NPFFR2: variants seen among roughly 807,000 people sequenced by gnomAD.
NPFFR2 encodes the protein neuropeptide FF receptor 2.
A neutral mutation model predicts 13.1 loss-of-function variants in NPFFR2; 15 were observed. That is an observed-to-expected ratio of 1.15 (90% CI 0.77 to 1.76). NPFFR2 has a LOEUF of 1.76. NPFFR2 is among the 40% of genes most tolerant of loss of function. The probability of loss-of-function intolerance (pLI) is 0.00; values close to 1 mark genes in which losing one functional copy is unlikely to be tolerated. For synonymous variants in NPFFR2, 190 were observed against 175.7 expected (o/e 1.08, Z -0.65); for missense variants, 572 against 503.5 (o/e 1.14, Z -1.30).
At chr4:72,058,125 T>G (rs1044863318) in intron 1 of NPFFR2, among the ~76,000 whole-genome samples, 1 of 152,012 alleles carries the variant, frequency 6.6e-6, no homozygotes, top group Non-Finnish European at 1.5e-5. Context: ...GACAGCGTTT[T>G]ATCAGTGATA....
At chr4:72,129,063 G>A in intron 2 of NPFFR2, 144 bp downstream of exon 2, 1 of 607,286 alleles carries the variant, frequency 1.6e-6, no homozygotes, top group Non-Finnish European at 2.9e-6. Context: ...TGCCCTCATT[G>A]GATCTGCATT....
chr4:72,066,656 G>A (rs1314938744), intron 1 of NPFFR2, among the ~76,000 whole-genome samples: 1 of 152,152 alleles, frequency 6.6e-6, no homozygotes, highest in African/African-American at 2.4e-5. Flanking sequence ...GGGAGAAACA[G>A]GAAAGAAGAA....
At chr4:72,100,942 C>T (rs1403838288) in intron 1 of NPFFR2, among the ~76,000 whole-genome samples, 1 of 151,948 alleles carries the variant, frequency 6.6e-6, no homozygotes, top group Non-Finnish European at 1.5e-5. Context: ...TCTTTCTATG[C>T]ATTTTCCATC....
chr4:72,099,531 G>A (rs1207584932), intron 1 of NPFFR2, among the ~76,000 whole-genome samples: 1 of 152,056 alleles, frequency 6.6e-6, no homozygotes, highest in Non-Finnish European at 1.5e-5. Context: ...ATGGTGGAAG[G>A]CAAAGCTAGA....
chr4:72,044,512 T>C (rs886636446), intron 1 of NPFFR2, among the ~76,000 whole-genome samples: 18 of 152,132 alleles, frequency 1.2e-4, no homozygotes, highest in African/African-American at 4.1e-4. Flanking sequence ...CATCTGTGAT[T>C]TCTTTCAACA....
intron 1 of NPFFR2, among the ~76,000 whole-genome samples, chr4:72,092,699 A>G (rs533963533): frequency 0.034 from 4,704 of 138,268 alleles, 134 homozygotes; most frequent in Middle Eastern, 0.1. Flanking sequence ...ATATCTTTTT[A>G]TACCCCTTTA....
intron 1 of NPFFR2, among the ~76,000 whole-genome samples, chr4:72,033,213 T>A (rs1718970104): frequency 6.6e-6 from 1 of 152,232 alleles, no homozygotes; most frequent in African/African-American, 2.4e-5. Context: ...ATAATAATGA[T>A]GAATCTAAGT....
At chr4:72,050,834 A>G (rs552030813) in intron 1 of NPFFR2, among the ~76,000 whole-genome samples, 8 of 149,280 alleles carry the variant, frequency 5.4e-5, no homozygotes, top group South Asian at 2.1e-4. Flanking sequence ...TCATTGTTCA[A>G]TTCCCACCTA....
intron 1 of NPFFR2, among the ~76,000 whole-genome samples, chr4:72,085,220 C>A (rs1336450177): frequency 1.3e-5 from 2 of 152,072 alleles, no homozygotes; most frequent in Non-Finnish European, 2.9e-5. Context: ...GCTATTTCAA[C>A]TGACATGAGG....
chr4:72,119,528 G>A (rs538109106), intron 1 of NPFFR2, among the ~76,000 whole-genome samples: 10 of 112,946 alleles, frequency 8.9e-5, no homozygotes, highest in African/African-American at 3.0e-4. Context: ...GCAGCTCCCA[G>A]CGAGATCAAC....
chr4:72,087,359 A>G (rs1216028560), intron 1 of NPFFR2, among the ~76,000 whole-genome samples: 1 of 152,150 alleles, frequency 6.6e-6, no homozygotes, highest in Non-Finnish European at 1.5e-5. Flanking sequence ...ATATAAAAAT[A>G]AATTTCCATG....
chr4:72,102,109 C>G (rs1040715664), intron 1 of NPFFR2, among the ~76,000 whole-genome samples: 1 of 151,982 alleles, frequency 6.6e-6, no homozygotes, highest in Admixed American at 6.6e-5. Flanking sequence ...TTCAGCTGCT[C>G]TCCTTAAAAA....
intron 1 of NPFFR2, among the ~76,000 whole-genome samples, chr4:72,046,891 A>G (rs1259295778): frequency 1.3e-5 from 2 of 152,178 alleles, no homozygotes; most frequent in Non-Finnish European, 2.9e-5. Flanking sequence ...AATGAAGAAC[A>G]ATGTTTTAGA....
At position 72,066,843 on chromosome 4, in the gene NPFFR2, C is replaced by G. The variant is rs192394654; in HGVS notation, c.-8+34643C>G. Among the ~76,000 whole-genome samples the G allele has an allele frequency of 2.9e-3, 449 of 152,276 alleles. 5 individuals are homozygous for G. Among genetic ancestry groups the G allele is most frequent in the Non-Finnish European group, 5.2e-3 (356 of 68,030 alleles). The stretch of plus-strand genomic sequence containing the variant: ...ATGGCTTTACTGAGTGTACCCCAAG[C>G]AGCTGCCCTCACAGATTGAAATTGG... On this transcript the variant is annotated intron_variant, in intron 1 of 3. Coordinates refer to ENST00000308744, the MANE Select transcript of NPFFR2 (RefSeq NM_004885.3).
At chr4:72,102,848 T>G (rs149545069) in intron 1 of NPFFR2, among the ~76,000 whole-genome samples, 2,014 of 152,142 alleles carry the variant, frequency 0.013, 55 homozygotes, top group African/African-American at 0.046. Flanking sequence ...GCATTTGTCT[T>G]TATAGCAGCA....
rs764557900 is a variant in NPFFR2, at chr4:72,083,612, C to G, written c.-7-44973C>G. The stretch of plus-strand genomic sequence containing the variant: ...CTTTTGCTGGATTCACTTCCTCTGC[C>G]TAAACTCTAAATATTGCAGGACTCT... On this transcript the variant is annotated intron_variant, in intron 1 of 3. Coordinates refer to ENST00000308744, the MANE Select transcript of NPFFR2 (RefSeq NM_004885.3). 5.3e-5 allele frequency among the ~76,000 whole-genome samples: 8 copies of G among 152,142 alleles called. No individual in the cohort carries two copies. In the East Asian group the frequency reaches 1.3e-3, roughly 26 times the overall value.
At chr4:72,050,547 A>C (rs1351327072) in intron 1 of NPFFR2, among the ~76,000 whole-genome samples, 4 of 151,968 alleles carry the variant, frequency 2.6e-5, no homozygotes. Context: ...CTATTATAAC[A>C]TGACATGGCA....
intron 1 of NPFFR2, among the ~76,000 whole-genome samples, chr4:72,040,748 T>C (rs1246974784): frequency 1.3e-5 from 2 of 151,918 alleles, no homozygotes; most frequent in Non-Finnish European, 2.9e-5. Flanking sequence ...TATGTTAATT[T>C]GGGGAGATGA....
At chr4:72,102,393 A>G (rs895332707) in intron 1 of NPFFR2, among the ~76,000 whole-genome samples, 15 of 151,628 alleles carry the variant, frequency 9.9e-5, no homozygotes, top group Admixed American at 8.6e-4. Context: ...TATTATTATT[A>G]TACTTTAAGT....
Sources: gnomAD v4.1 joint callset for allele counts (sites outside exome capture counted in the v4.1 genomes callset) on GRCh38, gnomAD v4.1.1 for gene constraint, MANE v1.5 for transcripts, NCBI Gene and HGNC (gene_info 2026-07-23, HGNC 2026-07-21) for gene names.